Variants in RPRD1A observed in about 807,000 individuals in gnomAD.
RPRD1A encodes regulation of nuclear pre-mRNA domain-containing protein 1A.
In RPRD1A, 9 loss-of-function variants were observed where a neutral mutation model predicts 37.8. The observed-to-expected ratio is 0.24, with a 90% CI of 0.14 to 0.42. The LOEUF is 0.42. RPRD1A is among the 10% of genes least tolerant of loss of function. The pLI is 1.00. For missense variants in RPRD1A, 255 were observed against 371.0 expected, an observed-to-expected ratio of 0.69 and a Z score of 2.57; for synonymous variants, 138 against 139.7, an observed-to-expected ratio of 0.99 and a Z score of 0.08.
At chr18:36,062,332 A>C (rs1272489638) in intron 1 of RPRD1A, among the ~76,000 whole-genome samples, 1 of 149,818 alleles carries the variant, frequency 6.7e-6, no homozygotes, top group African/African-American at 2.5e-5. Context: ...TCAAAAAAAA[A>C]AAAAAAAAAA....
chr18:36,037,379 TACTTCTTCCTGCCAC>T, intron 1 of RPRD1A, among the ~76,000 whole-genome samples: 1 of 152,220 alleles, frequency 6.6e-6, no homozygotes, highest in Non-Finnish European at 1.5e-5. Context: ...CTTCACTCTG[TACTTCTTCCTGCCAC>T]CATGTGAATA....
At chr18:36,041,251 G>C (rs1007397109) in intron 1 of RPRD1A, among the ~76,000 whole-genome samples, 6 of 152,120 alleles carry the variant, frequency 3.9e-5, no homozygotes, top group Admixed American at 1.3e-4. Context: ...AAACCAAGGA[G>C]TTAATTATGT....
chr18:36,004,195 A>G (rs537529238), intron 6 of RPRD1A, among the ~76,000 whole-genome samples: 1 of 151,994 alleles, frequency 6.6e-6, no homozygotes, highest in South Asian at 2.1e-4. Context: ...TTTATATGAT[A>G]TTGTTACCAA....
intron 1 of RPRD1A, among the ~76,000 whole-genome samples, chr18:36,039,142 G>C (rs900849599): frequency 6.6e-6 from 1 of 152,078 alleles, no homozygotes; most frequent in Non-Finnish European, 1.5e-5. Flanking sequence ...GAATGATATG[G>C]TTTGGCTGTG....
chr18:36,015,171 T>TAC lies in RPRD1A; in HGVS notation c.789+11728_789+11729insGT, dbSNP rs1317517659. 7.3e-3 allele frequency among the ~76,000 whole-genome samples: 660 copies of TAC among 90,020 alleles called. 4 individuals are homozygous for TAC. Among genetic ancestry groups the TAC allele is most frequent in the Admixed American group, 0.021 (169 of 8,234 alleles). The allele number at this position is 90,020 out of a possible 152,430, so 59.1% of individuals were successfully genotyped here. A position where few individuals can be genotyped will look rare whatever the true frequency, so the allele number is the denominator to read the frequency against. ...ACACACACACACATATATACACATA[T>TAC]ATACACACACACACACACACACACA... On this transcript the variant is annotated intron_variant, in intron 6 of 6. Transcript: ENST00000399022.
chr18:35,991,313 A>T lies in RPRD1A; in HGVS notation c.*1838T>A, dbSNP rs1433985743. 1 of 152,228 alleles carries T rather than the reference A, an allele frequency of 6.6e-6. No individual in the cohort carries two copies. 9.4% of individuals were successfully genotyped at this position (152,228 alleles called of 1,614,324 possible). A position where few individuals can be genotyped will look rare whatever the true frequency, so the allele number is the denominator to read the frequency against. On this transcript the variant is annotated 3_prime_UTR_variant, in exon 7 of 7. Transcript: ENST00000399022. The stretch of plus-strand genomic sequence containing the variant: ...GTATACTTTCATAACATGTACAACC[A>T]GGTTTCATAATTGTGCATCTGTCAC...
Position 35,993,209 on chromosome 18 carries a change from T to C in RPRD1A, c.881A>G (p.Asn294Ser), listed in dbSNP as rs146097569. 85 of 1,614,060 alleles carry C rather than the reference T, an allele frequency of 5.3e-5. No homozygotes were observed. The highest frequency in any genetic ancestry group is 3.3e-4 in the Middle Eastern group (2 of 6,084). The change falls in exon 7 of 7, where the codon AAT becomes AGT. Residue 294 changes from asparagine (N) to serine (S), a missense_variant. This residue lies in a region of RPRD1A where 211 missense variants were observed against 268.9 expected (regional missense o/e 0.78). Transcript: ENST00000399022. ...QSLPDLSRLP[N>S]VTGSHMHLPF... is the part of the protein sequence containing the mutation. Reference sequence around the variant, plus strand: ...CAGGTGCATGTGGCTGCCAGTGACATTGGGCAATCGAGATAAGTCTGGCAG... The same window carrying C: ...CAGGTGCATGTGGCTGCCAGTGACACTGGGCAATCGAGATAAGTCTGGCAG...
intron 6 of RPRD1A, among the ~76,000 whole-genome samples, chr18:35,998,373 T>C (rs973802047): frequency 1.3e-5 from 2 of 151,690 alleles, no homozygotes; most frequent in Non-Finnish European, 2.9e-5. Context: ...AAAAAAAAAA[T>C]GTAACTATTA....
chr18:36,030,525 A>G (rs1341195797), intron 4 of RPRD1A, among the ~76,000 whole-genome samples: 1 of 152,046 alleles, frequency 6.6e-6, no homozygotes, highest in Admixed American at 6.6e-5. Context: ...GTTTTGTTTT[A>G]TTTTAAAAAG....
At chr18:36,017,011 T>C (rs1485446114) in intron 6 of RPRD1A, among the ~76,000 whole-genome samples, 1 of 145,870 alleles carries the variant, frequency 6.9e-6, no homozygotes, top group Admixed American at 6.9e-5. Context: ...ACTTTTGCAA[T>C]AAAAAAAAAA....
In RPRD1A at chr18:36,027,265, A is replaced by G. The variant is rs772016009; in HGVS notation, c.532T>C (p.Ser178Pro). ...RALQDLENAA[S>P]GDAAVHQRIA... ...CTCTGATGAACTGCTGCATCACCTG[A>G]GGCTGCATTTTCCAGATCTTGTAAT... Residue 178 changes from serine (S) to proline (P), a missense_variant, in exon 5 of 7, where the codon TCA (serine) becomes CCA (proline). Ser to Pro is a moderately conservative substitution (Grantham distance 74). Transcript: ENST00000399022. 1 of 1,613,756 alleles carries G rather than the reference A, an allele frequency of 6.2e-7. No individual in the cohort carries two copies. The highest frequency in any genetic ancestry group is 1.3e-5 in the African/African-American group (1 of 74,912).
intron 1 of RPRD1A, among the ~76,000 whole-genome samples, chr18:36,062,723 G>A (rs1489809970): frequency 1.3e-5 from 2 of 152,154 alleles, no homozygotes; most frequent in African/African-American, 2.4e-5. Context: ...CTATTCATAT[G>A]AAATGGTAAA....
chr18:36,005,118 G>C (rs573414833), intron 6 of RPRD1A, among the ~76,000 whole-genome samples: 1 of 152,018 alleles, frequency 6.6e-6, no homozygotes, highest in Admixed American at 6.6e-5. Flanking sequence ...TGGCTAACAC[G>C]GTGAAACCCC....
chr18:36,019,145 T>C (rs933312337), intron 6 of RPRD1A, among the ~76,000 whole-genome samples: 4 of 146,924 alleles, frequency 2.7e-5, no homozygotes, highest in African/African-American at 7.7e-5. Context: ...TCTCGCTCTG[T>C]CGCCCAGGCT....
At chr18:36,057,522 G>A (rs1478655573) in intron 1 of RPRD1A, among the ~76,000 whole-genome samples, 1 of 152,168 alleles carries the variant, frequency 6.6e-6, no homozygotes, top group Non-Finnish European at 1.5e-5. Context: ...TGAAGTGGGA[G>A]GATCGCTTAA....
intron 4 of RPRD1A, among the ~76,000 whole-genome samples, chr18:36,030,214 G>C (rs1277778350): frequency 6.6e-6 from 1 of 151,814 alleles, no homozygotes; most frequent in African/African-American, 2.4e-5. Flanking sequence ...GCCGGGCACA[G>C]TGGCTCATGC....
At chr18:36,043,738 G>T (rs920931859) in intron 1 of RPRD1A, among the ~76,000 whole-genome samples, 1 of 152,078 alleles carries the variant, frequency 6.6e-6, no homozygotes, top group Non-Finnish European at 1.5e-5. Flanking sequence ...TATGACCTGA[G>T]CACTGTTCTA....
intron 1 of RPRD1A, among the ~76,000 whole-genome samples, chr18:36,043,432 A>G (rs1160214616): frequency 1.3e-5 from 2 of 152,186 alleles, no homozygotes; most frequent in African/African-American, 4.8e-5. Context: ...GCAAAGGAAC[A>G]TCTTTTCCAT....
At chr18:36,027,725 T>A (rs562106480) in intron 4 of RPRD1A, 1 of 155,150 alleles carries the variant, frequency 6.4e-6, no homozygotes, top group East Asian at 1.9e-4. Flanking sequence ...TTTTTTAGTA[T>A]TAAATTGGAT....
Sources: gnomAD v4.1 joint callset for allele counts (sites outside exome capture counted in the v4.1 genomes callset) on GRCh38, gnomAD v4.1.1 for gene constraint, gnomAD v4.1.1 regional missense constraint, MANE v1.5 for transcripts, NCBI Gene and HGNC (gene_info 2026-07-23, HGNC 2026-07-21) for gene names.